LINGO2: variants seen among roughly 807,000 people sequenced by gnomAD.
LINGO2 encodes the protein leucine-rich repeat and immunoglobulin-like domain-containing nogo receptor-interacting protein 2.
A neutral mutation model predicts 30.6 loss-of-function variants in LINGO2; 14 were observed. The ratio of observed to expected loss-of-function variants is 0.46; its 90% CI spans 0.30 to 0.72. LINGO2 has a LOEUF of 0.72. LINGO2 is among the 30% of genes least tolerant of loss of function. The pLI is 0.07. For missense variants in LINGO2, 729 were observed against 751.7 expected (o/e 0.97, Z 0.35); for synonymous variants, 317 against 288.5 (o/e 1.10, Z -1.00).
the LINGO2 span, among the ~76,000 whole-genome samples, chr9:28,703,440 TTTCTAAC>T: frequency 5.9e-5 from 9 of 152,056 alleles, no homozygotes; most frequent in East Asian, 1.7e-3. Context: ...CCTTTATGTA[TTTCTAAC>T]TTAATTTCAC....
At chr9:29,029,122 T>C in the LINGO2 span, among the ~76,000 whole-genome samples, 7 of 152,068 alleles carry the variant, frequency 4.6e-5, no homozygotes, top group Non-Finnish European at 7.4e-5. Context: ...TAACCTTTCA[T>C]CTCTGAACTC....
intron 2 of LINGO2, among the ~76,000 whole-genome samples, chr9:28,464,836 C>A (rs1825231677): frequency 6.6e-6 from 1 of 152,124 alleles, no homozygotes; most frequent in South Asian, 2.1e-4. Flanking sequence ...CAAGCACAGG[C>A]AATCAAAACA....
At chr9:29,046,086 G>T in the LINGO2 span, among the ~76,000 whole-genome samples, 1 of 152,158 alleles carries the variant, frequency 6.6e-6, no homozygotes, top group Admixed American at 6.6e-5. Context: ...TGCAAACAGA[G>T]AGAGTTTGAC....
In LINGO2 at chr9:28,498,460, G is replaced by A. The variant is rs549012566; in HGVS notation, c.-364-22435C>T. 2.0e-5 allele frequency among the ~76,000 whole-genome samples: 3 copies of A among 152,324 alleles called. No homozygotes were observed. The East Asian group carries it at 5.8e-4, about 29-fold the overall frequency. On this transcript the variant is annotated intron_variant, in intron 1 of 5. Transcript: ENST00000379992. ...GTGGGCATGGGTCCCTCTGAGCCAGGCACGGGTTATAATCTCCTGGTGTGC... is the reference window on the plus strand; with the variant it reads ...GTGGGCATGGGTCCCTCTGAGCCAGACACGGGTTATAATCTCCTGGTGTGC...
chr9:28,651,754 A>C (rs1828112905), intron 1 of LINGO2, among the ~76,000 whole-genome samples: 1 of 152,126 alleles, frequency 6.6e-6, no homozygotes, highest in African/African-American at 2.4e-5. Flanking sequence ...CTCTAAAGCA[A>C]ATTCATGTCT....
intron 1 of LINGO2, among the ~76,000 whole-genome samples, chr9:28,521,945 A>G (rs527786570): frequency 1.5e-4 from 23 of 152,344 alleles, no homozygotes; most frequent in African/African-American, 5.3e-4. Context: ...ACCACAAGCT[A>G]GAAGAAGCAA....
chr9:27,950,462 T>G, exon 6 of LINGO2: 4 of 1,607,948 alleles, frequency 2.5e-6, no homozygotes, highest in Non-Finnish European at 3.4e-6. Flanking sequence ...GGTTGACGCT[T>G]TTTAGCCTGT....
At chr9:28,368,227 C>T (rs117564153) in intron 3 of LINGO2, among the ~76,000 whole-genome samples, 1 of 152,008 alleles carries the variant, frequency 6.6e-6, no homozygotes, top group Non-Finnish European at 1.5e-5. Context: ...CAATTCTCCC[C>T]TCTGTTTATA....
the LINGO2 span, among the ~76,000 whole-genome samples, chr9:29,157,367 T>C: frequency 6.6e-6 from 1 of 152,190 alleles, no homozygotes; most frequent in Non-Finnish European, 1.5e-5. Flanking sequence ...TGAACTCTGA[T>C]AGAGAATGCC....
intron 4 of LINGO2, among the ~76,000 whole-genome samples, chr9:28,263,530 T>G (rs1006494860): frequency 5.3e-5 from 8 of 152,016 alleles, no homozygotes; most frequent in African/African-American, 1.9e-4. Context: ...CTATCTGACC[T>G]AAAATAATAT....
chr9:28,266,949 C>T (rs1344419152), intron 4 of LINGO2, among the ~76,000 whole-genome samples: 1 of 151,994 alleles, frequency 6.6e-6, no homozygotes, highest in East Asian at 1.9e-4. Flanking sequence ...GTACATCTAT[C>T]TTGGGCAAAC....
the LINGO2 span, among the ~76,000 whole-genome samples, chr9:28,850,144 T>G: frequency 6.6e-6 from 1 of 152,076 alleles, no homozygotes; most frequent in Non-Finnish European, 1.5e-5. Flanking sequence ...CAGTTACTTC[T>G]TATAATTATA....
the LINGO2 span, among the ~76,000 whole-genome samples, chr9:28,699,455 C>T: frequency 1.4e-4 from 22 of 152,054 alleles, no homozygotes; most frequent in Non-Finnish European, 3.1e-4. Flanking sequence ...TGAGGATGTA[C>T]GTCATCTCAG....
At chr9:28,166,397 C>T (rs1828427496) in intron 4 of LINGO2, among the ~76,000 whole-genome samples, 1 of 152,168 alleles carries the variant, frequency 6.6e-6, no homozygotes, top group South Asian at 2.1e-4. Flanking sequence ...CTACCGGATG[C>T]ATTTGTTATG....
the LINGO2 span, among the ~76,000 whole-genome samples, chr9:29,177,021 T>A: frequency 6.6e-6 from 1 of 152,304 alleles, no homozygotes; most frequent in East Asian, 1.9e-4. Flanking sequence ...ATATAATAAA[T>A]GCTCAATGCT....
chr9:28,358,606 G>C (rs980086522), intron 3 of LINGO2, among the ~76,000 whole-genome samples: 1 of 152,076 alleles, frequency 6.6e-6, no homozygotes, highest in Admixed American at 6.6e-5. Flanking sequence ...ATGACCTCTG[G>C]AACCAGGCAT....
chr9:28,379,687 A>G (rs976656875), intron 2 of LINGO2, among the ~76,000 whole-genome samples: 1 of 152,112 alleles, frequency 6.6e-6, no homozygotes, highest in Non-Finnish European at 1.5e-5. Flanking sequence ...TAGTATATAG[A>G]GGAAGGTAGG....
At chr9:28,990,006 G>C in the LINGO2 span, among the ~76,000 whole-genome samples, 1 of 152,144 alleles carries the variant, frequency 6.6e-6, no homozygotes, top group African/African-American at 2.4e-5. Flanking sequence ...CTGAGGAAAC[G>C]GGTTCATCTC....
At chr9:28,334,164 C>G (rs1362926832) in intron 3 of LINGO2, among the ~76,000 whole-genome samples, 1 of 152,042 alleles carries the variant, frequency 6.6e-6, no homozygotes, top group Non-Finnish European at 1.5e-5. Flanking sequence ...ATACATGTTA[C>G]CTACTGTAAG....
Sources: allele counts gnomAD v4.1 joint callset (sites outside exome capture counted in the v4.1 genomes callset), GRCh38; gene constraint gnomAD v4.1.1; transcripts MANE v1.5; gene names NCBI Gene and HGNC (gene_info 2026-07-23, HGNC 2026-07-21).